Variants in CENPC observed in about 807,000 individuals in gnomAD.
The protein encoded by CENPC is centromere protein C.
Under a neutral mutation model 112.1 loss-of-function variants are expected in CENPC, and 63 were observed. The observed-to-expected ratio is 0.56, with a 90% CI of 0.46 to 0.69. The LOEUF (loss-of-function observed/expected upper bound fraction) is 0.69, where lower values mean the gene tolerates loss of function less well. CENPC is among the 30% of genes least tolerant of loss of function. CENPC has a pLI of 0.00. For synonymous variants in CENPC, 333 were observed against 367.6 expected (o/e 0.91, Z 1.08); for missense variants, 1,000 against 1,103.8 (o/e 0.91, Z 1.33).
intron 5 of CENPC, among the ~76,000 whole-genome samples, chr4:67,530,241 T>C (rs377312818): frequency 1.8e-4 from 27 of 152,330 alleles, no homozygotes; most frequent in African/African-American, 6.3e-4. Context: ...GCTCAAACTC[T>C]GGCAATCATG....
At chr4:67,497,387 T>A (rs760534349) in intron 12 of CENPC, among the ~76,000 whole-genome samples, 332 of 151,898 alleles carry the variant, frequency 2.2e-3, no homozygotes, top group Admixed American at 4.3e-3. Context: ...TAAAAAAAAA[T>A]TTAAAAATAA....
chr4:67,522,201 CT>C (rs1374212286), intron 5 of CENPC, among the ~76,000 whole-genome samples: 12 of 152,176 alleles, frequency 7.9e-5, no homozygotes, highest in African/African-American at 2.2e-4. Context: ...ATTAAAATAC[CT>C]GACAACAGAA....
At chr4:67,475,731 T>C (rs1724786108) in intron 17 of CENPC, among the ~76,000 whole-genome samples, 1 of 152,236 alleles carries the variant, frequency 6.6e-6, no homozygotes, top group South Asian at 2.1e-4. Flanking sequence ...CCTGAGTAGC[T>C]GGGACTACAG....
chr4:67,476,267 G>T (rs1724801493), intron 17 of CENPC, among the ~76,000 whole-genome samples: 1 of 152,138 alleles, frequency 6.6e-6, no homozygotes, highest in African/African-American at 2.4e-5. Flanking sequence ...AAAACTGAAA[G>T]AATTCACAGA....
chr4:67,473,707 G>A (rs7669626), intron 18 of CENPC, among the ~76,000 whole-genome samples: 96,090 of 151,816 alleles, frequency 0.63, 30,651 homozygotes, highest in East Asian at 0.81. Flanking sequence ...GTGTATCACC[G>A]TGCCTGGTTA....
chr4:67,540,887 G>T, intron 3 of CENPC, 93 bp downstream of exon 3: 2 of 891,074 alleles, frequency 2.2e-6, no homozygotes, highest in South Asian at 3.0e-5. Flanking sequence ...TTAAACCCTA[G>T]AACATATTTG....
In CENPC at chr4:67,519,304, C is replaced by G. The variant is rs376625931; in HGVS notation, c.530G>C (p.Ser177Thr). 2.5e-6 allele frequency: 4 copies of G among 1,612,284 alleles called. No homozygotes were observed. The African/African-American group carries it at 4.0e-5, about 16-fold the overall frequency. ...TSVSQNVIPS[S>T]AQKRETYTFE... The stretch of plus-strand genomic sequence containing the variant: ...AGTGTAAGTCTCTCTCTTTTGGGCA[C>G]TAGATGGAATAACATTTTGTGATAC... Residue 177 changes from serine to threonine, a missense_variant, in exon 6 of 19, where the codon AGT becomes ACT. Transcript: ENST00000273853.
At chr4:67,525,528 CAGA>C (rs1486016570) in intron 5 of CENPC, among the ~76,000 whole-genome samples, 1 of 152,160 alleles carries the variant, frequency 6.6e-6, no homozygotes, top group Non-Finnish European at 1.5e-5. Context: ...AGACACTTCT[CAGA>C]AGAAGACATT....
At chr4:67,535,324 A>G (rs1435524328) in intron 4 of CENPC, among the ~76,000 whole-genome samples, 1 of 151,996 alleles carries the variant, frequency 6.6e-6, no homozygotes, top group Admixed American at 6.6e-5. Context: ...AGAAAAAAGG[A>G]AGATTTCAGA....
At chr4:67,524,269 G>A (rs554959169) in intron 5 of CENPC, among the ~76,000 whole-genome samples, 25 of 152,236 alleles carry the variant, frequency 1.6e-4, no homozygotes, top group African/African-American at 6.0e-4. Context: ...ACTGGCACGA[G>A]ACAAGGATGC....
intron 13 of CENPC, among the ~76,000 whole-genome samples, chr4:67,494,914 G>GC (rs534540549): frequency 6.6e-5 from 10 of 152,160 alleles, no homozygotes; most frequent in Admixed American, 2.0e-4. Context: ...GGAGGATCAT[G>GC]CCCCCTACTA....
intron 17 of CENPC, among the ~76,000 whole-genome samples, chr4:67,478,399 C>T (rs1281531296): frequency 6.6e-6 from 1 of 152,104 alleles, no homozygotes; most frequent in Non-Finnish European, 1.5e-5. Context: ...CTATCTTTAT[C>T]CTCCTTAAAT....
At chr4:67,513,939 A>G in intron 8 of CENPC, 135 bp downstream of exon 8, 1 of 716,968 alleles carries the variant, frequency 1.4e-6, no homozygotes, top group Non-Finnish European at 2.1e-6. Context: ...AGGTTCTAGA[A>G]AAGAACCTAT....
intron 5 of CENPC, among the ~76,000 whole-genome samples, chr4:67,522,720 C>T (rs1726262180): frequency 1.3e-5 from 2 of 152,264 alleles, no homozygotes; most frequent in South Asian, 4.1e-4. Context: ...GAATCAAAGG[C>T]CAGGTGTGGT....
At chr4:67,530,440 T>C (rs1483356638) in intron 5 of CENPC, among the ~76,000 whole-genome samples, 1 of 151,852 alleles carries the variant, frequency 6.6e-6, no homozygotes, top group Non-Finnish European at 1.5e-5. Context: ...TTTTTTTTCA[T>C]TTATGGGCAC....
At chr4:67,504,092 CAAA>C (rs33925641) in intron 12 of CENPC, among the ~76,000 whole-genome samples, 4 of 114,076 alleles carry the variant, frequency 3.5e-5, no homozygotes, top group Non-Finnish European at 3.6e-5. Flanking sequence ...GTGAATGGGG[CAAA>C]AAAAAAAAAA....
At chr4:67,532,722 G>A (rs1726591490) in intron 4 of CENPC, among the ~76,000 whole-genome samples, 1 of 150,486 alleles carries the variant, frequency 6.6e-6, no homozygotes, top group Admixed American at 6.6e-5. Flanking sequence ...ACAGGGTGGG[G>A]AACATCACAC....
Position 67,490,088 on chromosome 4 carries a change from A to G in CENPC, c.2549T>C (p.Phe850Ser), listed in dbSNP as rs1348806631. 1 of 1,608,650 alleles carries G rather than the reference A, an allele frequency of 6.2e-7. No homozygotes were observed. Among genetic ancestry groups the G allele is most frequent in the Non-Finnish European group, 8.5e-7 (1 of 1,177,858 alleles). Residue 850 changes from phenylalanine (F) to serine (S), a missense_variant, in exon 17 of 19, where the codon TTT (phenylalanine) becomes TCT (serine). Phe to Ser is a radical substitution (Grantham distance 155). Transcript: ENST00000273853. ...TACCTTCAACTCACCATGCTTAACA[A>G]AAAATTGATATGTATCTTGTGGCCT... ...LVRPQDTYQF[F>S]VKHGELKVYK...
intron 12 of CENPC, among the ~76,000 whole-genome samples, chr4:67,497,064 C>G (rs915552184): frequency 2.0e-5 from 3 of 152,026 alleles, no homozygotes; most frequent in African/African-American, 7.3e-5. Flanking sequence ...TCAGGTTTCT[C>G]ACTATTTGAG....
Sources: allele counts gnomAD v4.1 joint callset (sites outside exome capture counted in the v4.1 genomes callset), GRCh38; gene constraint gnomAD v4.1.1; transcripts MANE v1.5; gene names NCBI Gene and HGNC (gene_info 2026-07-23, HGNC 2026-07-21).